The following USP46 variants were observed in gnomAD, a reference collection of about 807,000 sequenced individuals.
USP46 encodes ubiquitin specific peptidase 46.
Under a neutral mutation model 44.4 loss-of-function variants are expected in USP46, and 12 were observed. The ratio of observed to expected loss-of-function variants is 0.27; its 90% CI spans 0.17 to 0.44. The LOEUF (loss-of-function observed/expected upper bound fraction) is 0.44. USP46 is among the 20% of genes least tolerant of loss of function. The pLI is 1.00. For synonymous variants in USP46, 155 were observed against 161.5 expected (o/e 0.96, Z 0.31); for missense variants, 248 against 444.8 (o/e 0.56, Z 3.98).
intron 1 of USP46, among the ~76,000 whole-genome samples, chr4:52,632,412 C>G (rs1717863899): frequency 6.6e-6 from 1 of 152,130 alleles, no homozygotes; most frequent in Non-Finnish European, 1.5e-5. Context: ...CCATTTGTAC[C>G]ATGGACTCTA....
intron 1 of USP46, among the ~76,000 whole-genome samples, chr4:52,645,224 CAAAAA>C (rs74266163): frequency 5.0e-5 from 4 of 79,812 alleles, no homozygotes; most frequent in Non-Finnish European, 5.3e-5. Flanking sequence ...GACTCTATCT[CAAAAA>C]AAAAAAAAAA....
chr4:52,657,735 G>A (rs1028786112), intron 1 of USP46, among the ~76,000 whole-genome samples: 6 of 152,178 alleles, frequency 3.9e-5, no homozygotes, highest in East Asian at 1.9e-4. Context: ...TCCACTCCCC[G>A]TATGGAACTC....
chr4:52,592,666 T>C lies in USP46; in HGVS notation c.*4974A>G. On this transcript the variant is annotated 3_prime_UTR_variant, in exon 9 of 9. Coordinates refer to ENST00000441222, the MANE Select transcript of USP46 (RefSeq NM_022832.4). ...CCAGCTTGGCCAATATGAGAAAACT[T>C]TGTATCTACTGAAAATACAAAAATT... The C allele has an allele frequency of 1.1e-5, 4 of 375,482 alleles. No individual in the cohort carries two copies. The highest frequency in any genetic ancestry group is 1.9e-5 in the Non-Finnish European group (4 of 212,206). 23.3% of individuals were successfully genotyped at this position (375,482 alleles called of 1,614,324 possible).
At chr4:52,633,501 A>C (rs1220309878) in intron 1 of USP46, among the ~76,000 whole-genome samples, 1 of 152,252 alleles carries the variant, frequency 6.6e-6, no homozygotes, top group Non-Finnish European at 1.5e-5. Flanking sequence ...AAAATCACTA[A>C]AAATTTTCAA....
At chr4:52,602,524 C>G (rs747048121) in intron 6 of USP46, among the ~76,000 whole-genome samples, 4 of 152,184 alleles carry the variant, frequency 2.6e-5, no homozygotes, top group African/African-American at 9.6e-5. Flanking sequence ...GACACACACT[C>G]TTGGGCATCG....
chr4:52,630,822 T>C (rs1195794441), intron 2 of USP46, among the ~76,000 whole-genome samples: 1 of 151,950 alleles, frequency 6.6e-6, no homozygotes, highest in Non-Finnish European at 1.5e-5. Flanking sequence ...CAAAGGAAAT[T>C]CCTTAAAGCA....
chr4:52,654,007 G>T (rs1042864413), intron 1 of USP46, among the ~76,000 whole-genome samples: 2 of 152,154 alleles, frequency 1.3e-5, no homozygotes, highest in Non-Finnish European at 2.9e-5. Flanking sequence ...TTGTTATACA[G>T]AAAAGGTATC....
intron 3 of USP46, among the ~76,000 whole-genome samples, chr4:52,627,567 T>G (rs1167646054): frequency 1.3e-5 from 2 of 152,234 alleles, no homozygotes; most frequent in Non-Finnish European, 2.9e-5. Flanking sequence ...GCACTTATTT[T>G]AATCACCTAT....
chr4:52,614,801 C>A (rs570798293), intron 4 of USP46, among the ~76,000 whole-genome samples: 2 of 152,126 alleles, frequency 1.3e-5, no homozygotes, highest in African/African-American at 2.4e-5. Context: ...ATAACACTGT[C>A]CTGTGGGATT....
At chr4:52,622,306 T>C (rs1041694351) in intron 4 of USP46, among the ~76,000 whole-genome samples, 4 of 152,220 alleles carry the variant, frequency 2.6e-5, no homozygotes, top group Non-Finnish European at 5.9e-5. Context: ...TATATAAACA[T>C]ACGTTATACA....
intron 1 of USP46, among the ~76,000 whole-genome samples, chr4:52,639,821 T>A (rs28688210): frequency 8.3e-4 from 125 of 150,730 alleles, no homozygotes; most frequent in African/African-American, 2.9e-3. Context: ...CTCAGCCCCA[T>A]GAGTAGCTGG....
intron 1 of USP46, among the ~76,000 whole-genome samples, chr4:52,658,802 C>G (rs952029861): frequency 6.6e-6 from 1 of 152,094 alleles, no homozygotes; most frequent in Admixed American, 6.5e-5. Context: ...CGGGGACGTT[C>G]AGGTTCGGTC....
rs375170339 is a variant in USP46 at position 52,613,180 on chromosome 4, A to T, written c.562-2563T>A. 1.6e-4 allele frequency among the ~76,000 whole-genome samples: 24 copies of T among 152,280 alleles called. No individual in the cohort carries two copies. In the East Asian group the frequency reaches 3.3e-3, roughly 21 times the overall value. ...GGAAATGCAGTCTTTCCGGTCTGCA[A>T]GCCAGAAGACTAAATCTGGGAAACC... On this transcript the variant is annotated intron_variant, in intron 4 of 8. Transcript: ENST00000441222.
chr4:52,656,215 G>T, intron 1 of USP46: 1 of 1,433,856 alleles, frequency 7.0e-7, no homozygotes. Context: ...AACCAGCTGG[G>T]ACCAAAGTTA....
Position 52,593,008 on chromosome 4 carries a change from A to T in USP46, c.*4632T>A, listed in dbSNP as rs1306574856. ...AGCCCATAAAACCATGAGCCAATTA[A>T]ACCTCTTTTCTTCAGAAATGACCCA... On this transcript the variant is annotated 3_prime_UTR_variant, in exon 9 of 9. Transcript: ENST00000441222. 1 of 398,286 alleles carries T rather than the reference A, an allele frequency of 2.5e-6. No individual in the cohort carries two copies. Among genetic ancestry groups the T allele is most frequent in the Admixed American group, 4.4e-5 (1 of 22,704 alleles). 24.7% of individuals were successfully genotyped at this position (398,286 alleles called of 1,614,324 possible).
intron 4 of USP46, among the ~76,000 whole-genome samples, chr4:52,621,506 A>G (rs547237102): frequency 1.1e-3 from 167 of 152,180 alleles, no homozygotes; most frequent in Non-Finnish European, 2.2e-3. Flanking sequence ...AAATACAAAA[A>G]TTAGCCGGGC....
chr4:52,635,973 T>C (rs866883085), intron 1 of USP46, among the ~76,000 whole-genome samples: 1 of 152,094 alleles, frequency 6.6e-6, no homozygotes, highest in African/African-American at 2.4e-5. Flanking sequence ...TTCACATCGA[T>C]GTATATAGGC....
rs1560394498 is a variant in USP46 at position 52,609,894 on chromosome 4, ATTTCTTTTTT to A, written c.638+637_638+646del. Among the ~76,000 whole-genome samples, 100 of 20,682 alleles carry A rather than the reference ATTTCTTTTTT, an allele frequency of 4.8e-3. 2 individuals are homozygous for A. The highest frequency in any genetic ancestry group is 0.024 in the Admixed American group (47 of 1,942). 13.6% of individuals were successfully genotyped at this position (20,682 alleles called of 152,430 possible). On this transcript the variant is annotated intron_variant, in intron 5 of 8. Transcript: ENST00000441222. ...TTATGGAAACCTAAACCTCAATTCT[ATTTCTTTTTT>A]TTTTTTTTTTTTTTTTTTTTTTTTT...
Position 52,628,125 on chromosome 4 carries a change from T to C in USP46, c.156A>G (p.Ala52=), listed in dbSNP as rs745628149. Residue 52 remains alanine (A), a synonymous_variant, in exon 3 of 9, where the codon GCA becomes GCG. Coordinates refer to ENST00000441222, the MANE Select transcript of USP46 (RefSeq NM_022832.4). The part of the protein sequence containing the change: ...NTCYCNSVLQ[A]LYFCRPFREN... ...CCCGGAATGGACGGCAGAAGTACAA[T>C]GCCTGAAGCACGGAGTTACAGTAGC... is the stretch of plus-strand genomic sequence containing the variant. The C allele has an allele frequency of 2.5e-6, 4 of 1,613,966 alleles. No individual in the cohort carries two copies. Among genetic ancestry groups the C allele is most frequent in the Non-Finnish European group, 3.4e-6 (4 of 1,179,862 alleles).
Sources: gnomAD v4.1 joint callset for allele counts (sites outside exome capture counted in the v4.1 genomes callset) on GRCh38, gnomAD v4.1.1 for gene constraint, MANE v1.5 for transcripts, NCBI Gene and HGNC (gene_info 2026-07-23, HGNC 2026-07-21) for gene names.